The following USP43 variants were observed in gnomAD, a reference collection of about 807,000 sequenced individuals.
USP43 encodes ubiquitin carboxyl-terminal hydrolase 43.
A neutral mutation model predicts 90.7 loss-of-function variants in USP43; 33 were observed. That is an observed-to-expected ratio of 0.36 (90% CI 0.28 to 0.49). The LOEUF is 0.49. Among genes scored for constraint, USP43 ranks in the 20% least tolerant of loss-of-function variants. The pLI is 0.98. For missense variants in USP43, 1,274 were observed against 1,476.4 expected (o/e 0.86, Z 2.25); for synonymous variants, 598 against 615.8 (o/e 0.97, Z 0.43).
chr17:9,650,909 G>A (rs895407288), intron 1 of USP43, among the ~76,000 whole-genome samples: 4 of 151,882 alleles, frequency 2.6e-5, no homozygotes, highest in Non-Finnish European at 5.9e-5. Flanking sequence ...CTTTAGTGGT[G>A]ATTTCAGAGA....
Position 9,686,814 on chromosome 17 carries a change from C to T in USP43, c.1258C>T (p.Leu420=). 4.3e-6 allele frequency: 7 copies of T among 1,613,930 alleles called. No homozygotes were observed. Among genetic ancestry groups the T allele is most frequent in the Non-Finnish European group, 5.9e-6 (7 of 1,179,854 alleles). ...GATTTTCAGGTTTGGGCCACCCTTC[C>T]TGATAAGGGAAGACAGAGCTGTTTC... ...QQASRFGPPF[L]IREDRAVSWA... is the part of the protein sequence containing the mutation. Residue 420 remains leucine, a synonymous_variant, in exon 8 of 15, where the codon CTG becomes TTG. Coordinates refer to ENST00000285199, the MANE Select transcript of USP43 (RefSeq NM_153210.5). This position sits in a 1 kb window ranked among gnomAD's most constrained non-coding sequence, Gnocchi z 5.5.
At chr17:9,667,482 T>C (rs761501712) in intron 3 of USP43, among the ~76,000 whole-genome samples, 4 of 152,234 alleles carry the variant, frequency 2.6e-5, no homozygotes, top group Non-Finnish European at 4.4e-5. Context: ...TGAGCTTTTA[T>C]ATGTGAAAGT....
At chr17:9,654,156 C>T (rs1264668441) in intron 1 of USP43, among the ~76,000 whole-genome samples, 1 of 152,076 alleles carries the variant, frequency 6.6e-6, no homozygotes, top group African/African-American at 2.4e-5. Flanking sequence ...AAAATATTTA[C>T]CATGCCCAGC....
At chr17:9,652,481 C>T (rs1911941890) in intron 1 of USP43, among the ~76,000 whole-genome samples, 1 of 152,016 alleles carries the variant, frequency 6.6e-6, no homozygotes, top group African/African-American at 2.4e-5. Flanking sequence ...TCTGTCTCAG[C>T]CTCCCGAGTA....
intron 9 of USP43, among the ~76,000 whole-genome samples, chr17:9,694,070 G>T (rs758438798): frequency 7.2e-5 from 11 of 152,188 alleles, no homozygotes; most frequent in Non-Finnish European, 1.2e-4. Context: ...CAATCCCCAG[G>T]TCATTGCAAC....
intron 8 of USP43, among the ~76,000 whole-genome samples, chr17:9,687,237 C>G (rs1238733443): frequency 1.3e-5 from 2 of 152,036 alleles, no homozygotes; most frequent in African/African-American, 4.8e-5. Flanking sequence ...CCATCATTCC[C>G]TAAGCATTTA....
At position 9,666,653 on chromosome 17, in the gene USP43, G is replaced by A. The variant is rs564903700; in HGVS notation, c.642G>A (p.Pro214=). 41 of 1,611,932 alleles carry A rather than the reference G, an allele frequency of 2.5e-5. No individual in the cohort carries two copies. The highest frequency in any genetic ancestry group is 2.1e-4 in the African/African-American group (16 of 74,840). Residue 214 remains proline (P), a synonymous_variant, in exon 3 of 15, where the codon CCG becomes CCA. Coordinates refer to ENST00000285199, the MANE Select transcript of USP43 (RefSeq NM_153210.5). ...SSRGPVSEKL[P]PEATKTSENC... is the part of the protein sequence containing the mutation. Reference sequence around the variant, plus strand: ...CTTTCCTCATTTCTTTGCAGCTTCCGCCTGAAGCCACTAAAACCTCTGAGA... The same window carrying A: ...CTTTCCTCATTTCTTTGCAGCTTCCACCTGAAGCCACTAAAACCTCTGAGA...
Position 9,656,411 on chromosome 17 carries a change from T to G in USP43, c.513T>G (p.Val171=). 6.2e-7 allele frequency: 1 copy of G among 1,610,962 alleles called. No individual in the cohort carries two copies. Among genetic ancestry groups the G allele is most frequent in the Non-Finnish European group, 8.5e-7 (1 of 1,178,690 alleles). Residue 171 remains valine, a synonymous_variant, in exon 2 of 15, where the codon GTT becomes GTG. Coordinates refer to ENST00000285199, the MANE Select transcript of USP43 (RefSeq NM_153210.5). ...TCCTTTTTTCCTTTCAGAATGCAGTTTCCAAGTACGGCTCTCAGTTCCAAG... is the reference window on the plus strand; with the variant it reads ...TCCTTTTTTCCTTTCAGAATGCAGTGTCCAAGTACGGCTCTCAGTTCCAAG... ...PQLSAEFKNA[V]SKYGSQFQGN...
intron 14 of USP43, among the ~76,000 whole-genome samples, chr17:9,723,633 G>T (rs531480012): frequency 1.4e-5 from 2 of 146,504 alleles, no homozygotes; most frequent in African/African-American, 5.0e-5. Context: ...GCCCAGGCTG[G>T]AGTGCAGTGG....
intron 14 of USP43, among the ~76,000 whole-genome samples, chr17:9,720,234 G>A (rs1916861648): frequency 6.7e-6 from 1 of 149,314 alleles, no homozygotes; most frequent in African/African-American, 2.5e-5. Flanking sequence ...GCTGAGGCAG[G>A]AGAATCGCTT....
At chr17:9,666,013 G>T (rs1913013443) in intron 2 of USP43, among the ~76,000 whole-genome samples, 2 of 152,180 alleles carry the variant, frequency 1.3e-5, no homozygotes, top group African/African-American at 4.8e-5. Context: ...AACTGTGAGA[G>T]AGTAAGCTAT....
intron 2 of USP43, among the ~76,000 whole-genome samples, chr17:9,660,160 C>CT (rs1326119610): frequency 1.3e-5 from 2 of 151,954 alleles, no homozygotes; most frequent in East Asian, 1.9e-4. Context: ...GGCAATAATT[C>CT]TTTTTTTTGA....
chr17:9,686,091 C>G lies in USP43; in HGVS notation c.1242-707C>G, dbSNP rs1459732777. ...TCTGTGCCTGACTTATTTCACTTAA[C>G]ATAATGTCCTCCAGCCTCATCCATC... On this transcript the variant is annotated intron_variant, in intron 7 of 14. Coordinates refer to ENST00000285199, the MANE Select transcript of USP43 (RefSeq NM_153210.5). The surrounding 1 kb of genome is among the most constrained non-coding windows in gnomAD (Gnocchi z 5.5). 6.6e-6 allele frequency among the ~76,000 whole-genome samples: 1 copy of G among 152,210 alleles called. No individual in the cohort carries two copies. The highest frequency in any genetic ancestry group is 1.5e-5 in the Non-Finnish European group (1 of 68,034).
At chr17:9,682,636 G>A (rs1465005647) in intron 6 of USP43, among the ~76,000 whole-genome samples, 187 bp from the exon 7 acceptor site, 3 of 152,140 alleles carry the variant, frequency 2.0e-5, no homozygotes, top group Non-Finnish European at 2.9e-5. Flanking sequence ...CTTGATGTTC[G>A]TATGCCAGGC....
chr17:9,722,985 A>G (rs1246821309), intron 14 of USP43, among the ~76,000 whole-genome samples: 1 of 152,044 alleles, frequency 6.6e-6, no homozygotes, highest in Non-Finnish European at 1.5e-5. Context: ...GTCACCCCCC[A>G]TCTTGAGGTG....
rs139914051 is a variant in USP43 at position 9,674,783 on chromosome 17, C to T, written c.741-108C>T. The T allele has an allele frequency of 2.1e-5, 19 of 884,934 alleles. No individual in the cohort carries two copies. Among genetic ancestry groups the T allele is most frequent in the South Asian group, 8.8e-5 (6 of 68,172 alleles). 54.8% of individuals were successfully genotyped at this position (884,934 alleles called of 1,614,324 possible). On this transcript the variant is annotated intron_variant, in intron 3 of 14. Transcript: ENST00000285199. This position sits in a 1 kb window ranked among gnomAD's most constrained non-coding sequence, Gnocchi z 4.4. ...CTCAATTCTTCTGGGTATGTACCTACGAGTGGAATCACAGGGAGTGGAAAT... is the reference window on the plus strand; with the variant it reads ...CTCAATTCTTCTGGGTATGTACCTATGAGTGGAATCACAGGGAGTGGAAAT...
intron 7 of USP43, 28 bp downstream of exon 7, chr17:9,682,986 G>A (rs1914393840): frequency 3.1e-6 from 5 of 1,607,280 alleles, no homozygotes; most frequent in Non-Finnish European, 2.6e-6. Context: ...CTTTTTTCAT[G>A]TGGTGTCTGG....
At chr17:9,723,888 C>G (rs1026570502) in intron 14 of USP43, among the ~76,000 whole-genome samples, 2 of 152,066 alleles carry the variant, frequency 1.3e-5, no homozygotes, top group African/African-American at 4.8e-5. Context: ...GGATTACAGG[C>G]GTGAGCCACC....
At chr17:9,703,707 G>A (rs1317380811) in intron 12 of USP43, among the ~76,000 whole-genome samples, 1 of 152,222 alleles carries the variant, frequency 6.6e-6, no homozygotes, top group Non-Finnish European at 1.5e-5. Flanking sequence ...GCTGTCATCG[G>A]TGCCAACATA....
Sources: allele counts gnomAD v4.1 joint callset (sites outside exome capture counted in the v4.1 genomes callset), GRCh38; gene constraint gnomAD v4.1.1; non-coding constraint Gnocchi (gnomAD v3.1); transcripts MANE v1.5; gene names NCBI Gene and HGNC (gene_info 2026-07-23, HGNC 2026-07-21).